The following VPS35L variants were observed in gnomAD, a reference collection of about 807,000 sequenced individuals.
The protein encoded by VPS35L is VPS35 endosomal protein sorting factor like.
In VPS35L, 83 loss-of-function variants were observed where a neutral mutation model predicts 133.0. The ratio of observed to expected loss-of-function variants is 0.62; its 90% CI spans 0.52 to 0.75. The LOEUF is 0.75. Ranked by LOEUF, VPS35L falls within the 30% of genes least tolerant of loss-of-function variation. VPS35L has a pLI of 0.00. For missense variants in VPS35L, 1,083 were observed against 1,206.8 expected (o/e 0.90, Z 1.52); for synonymous variants, 423 against 449.9 (o/e 0.94, Z 0.76).
chr16:19,664,251 A>G (rs961238414), intron 26 of VPS35L, among the ~76,000 whole-genome samples: 2 of 152,036 alleles, frequency 1.3e-5, no homozygotes, highest in Non-Finnish European at 2.9e-5. Flanking sequence ...GGCAGTGGCT[A>G]TGTTTATGCA....
chr16:19,602,335 AG>A (rs1310340998), intron 9 of VPS35L, among the ~76,000 whole-genome samples: 1 of 152,120 alleles, frequency 6.6e-6, no homozygotes, highest in Non-Finnish European at 1.5e-5. Flanking sequence ...CACTGCTATG[AG>A]GAAACGTTCT....
chr16:19,596,309 TC>T (rs2151533366), intron 8 of VPS35L, among the ~76,000 whole-genome samples: 1 of 152,076 alleles, frequency 6.6e-6, no homozygotes, highest in South Asian at 2.1e-4. Flanking sequence ...GGGTCTCACT[TC>T]ATTGCCCAGG....
intron 28 of VPS35L, among the ~76,000 whole-genome samples, chr16:19,683,978 A>G (rs540146337): frequency 6.6e-6 from 1 of 152,346 alleles, no homozygotes; most frequent in South Asian, 2.1e-4. Flanking sequence ...GTGCTACACA[A>G]TAAACTGGAA....
At chr16:19,685,247 G>T (rs1177505185) in intron 28 of VPS35L, among the ~76,000 whole-genome samples, 3 of 152,142 alleles carry the variant, frequency 2.0e-5, no homozygotes, top group African/African-American at 7.2e-5. Context: ...CTGACTTCTA[G>T]CATTATTTAT....
chr16:19,594,382 G>A (rs1198492757), intron 8 of VPS35L, among the ~76,000 whole-genome samples: 2 of 152,098 alleles, frequency 1.3e-5, no homozygotes, highest in South Asian at 2.1e-4. Context: ...AGTGGCTCAC[G>A]CCTATAATCC....
intron 1 of VPS35L, among the ~76,000 whole-genome samples, chr16:19,556,121 C>T (rs1970846998): frequency 1.3e-5 from 2 of 152,186 alleles, no homozygotes. Context: ...GTCGGGAGAT[C>T]TGGCTGTTGG....
At chr16:19,616,091 T>A (rs1972881677) in intron 12 of VPS35L, 23 bp from the exon 13 acceptor site, 1 of 1,599,416 alleles carries the variant, frequency 6.3e-7, no homozygotes, top group Admixed American at 1.7e-5. Flanking sequence ...TTGCAACCAG[T>A]TTTTCCATTT....
chr16:19,700,580 T>C lies in VPS35L; in HGVS notation c.*104T>C. The C allele has an allele frequency of 1.0e-6, 1 of 968,414 alleles. No individual in the cohort carries two copies. The highest frequency in any genetic ancestry group is 1.6e-6 in the Non-Finnish European group (1 of 629,928). The allele number at this position is 968,414 out of a possible 1,614,324, so 60.0% of individuals were successfully genotyped here. A position where few individuals can be genotyped will look rare whatever the true frequency, so the allele number is the denominator to read the frequency against. On this transcript the variant is annotated 3_prime_UTR_variant, in exon 31 of 31. Coordinates refer to ENST00000417362, the MANE Select transcript of VPS35L (RefSeq NM_020314.7). ...GCAATTTAGGTTTCTCATTTTTCTT[T>C]TCTTTTTACATATGTACAAATTGTT...
At position 19,652,114 on chromosome 16, in the gene VPS35L, C is replaced by T. The variant is rs180993482; in HGVS notation, c.2221+24C>T. On this transcript the variant is annotated intron_variant, in intron 26 of 30. Transcript: ENST00000417362. ...AGGTAAGTCCATCATTCTCTCATCT[C>T]GGGCACTCCCTTGCTGCTTAGGAAA... 1,530 of 1,475,948 alleles carry T rather than the reference C, an allele frequency of 1.0e-3. 6 individuals are homozygous for T. Among genetic ancestry groups the T allele is most frequent in the South Asian group, 9.1e-3 (770 of 84,296 alleles). The allele number at this position is 1,475,948 out of a possible 1,614,324, so 91.4% of individuals were successfully genotyped here.
chr16:19,571,762 C>A (rs1971392142), intron 3 of VPS35L, among the ~76,000 whole-genome samples: 1 of 151,586 alleles, frequency 6.6e-6, no homozygotes, highest in South Asian at 2.1e-4. Flanking sequence ...CCAGGCTGGT[C>A]TCGAACTCCT....
intron 7 of VPS35L, among the ~76,000 whole-genome samples, chr16:19,589,139 T>A (rs532374167): frequency 6.6e-6 from 1 of 152,348 alleles, no homozygotes; most frequent in East Asian, 1.9e-4. Flanking sequence ...TTTTTCGTAC[T>A]GAGTTTTGCA....
At chr16:19,590,312 A>G (rs1040245271) in intron 7 of VPS35L, among the ~76,000 whole-genome samples, 2 of 152,184 alleles carry the variant, frequency 1.3e-5, no homozygotes, top group Admixed American at 6.5e-5. Context: ...ATCTCTTGAC[A>G]TGGTGAACGT....
intron 3 of VPS35L, among the ~76,000 whole-genome samples, chr16:19,571,239 G>A (rs1383717971): frequency 6.6e-6 from 1 of 151,962 alleles, no homozygotes; most frequent in Non-Finnish European, 1.5e-5. Context: ...TTTTTTTGGA[G>A]ATAGTCTTGC....
At position 19,699,405 on chromosome 16, in the gene VPS35L, G is replaced by A; in HGVS notation, c.2647-97G>A. ...ATGGCAGAGCTGGCACTGGAACTCA[G>A]GCATGACCTACCCCAGAGTCAGCAC... On this transcript the variant is annotated intron_variant, in intron 29 of 30. Coordinates refer to ENST00000417362, the MANE Select transcript of VPS35L (RefSeq NM_020314.7). This position sits in a 1 kb window ranked among gnomAD's most constrained non-coding sequence, Gnocchi z 4.2. 2 of 1,467,538 alleles carry A rather than the reference G, an allele frequency of 1.4e-6. No individual in the cohort carries two copies. The highest frequency in any genetic ancestry group is 1.9e-6 in the Non-Finnish European group (2 of 1,079,198). The allele number at this position is 1,467,538 out of a possible 1,614,324, so 90.9% of individuals were successfully genotyped here.
intron 26 of VPS35L, among the ~76,000 whole-genome samples, chr16:19,656,186 C>T (rs545923536): frequency 4.3e-4 from 65 of 150,836 alleles, no homozygotes; most frequent in African/African-American, 1.5e-3. Context: ...ATCGCTTGAA[C>T]CCAGGAGGCA....
chr16:19,581,731 G>T (rs1567398680), intron 7 of VPS35L, 78 bp downstream of exon 7: 5 of 1,538,048 alleles, frequency 3.3e-6, no homozygotes, highest in Non-Finnish European at 4.5e-6. Context: ...GTTTTCAGGG[G>T]CCTACCTGCA....
At chr16:19,623,790 ATTATTATTATTATTATTATTATTATTG>A (rs1443780453) in intron 14 of VPS35L, among the ~76,000 whole-genome samples, 2 of 111,126 alleles carry the variant, frequency 1.8e-5, no homozygotes, top group African/African-American at 4.5e-5. Flanking sequence ...TATTATTATT[ATTATTATTATTATTATTATTATTATTG>A]TTTTAAGACA....
chr16:19,667,271 C>T (rs1182317353), intron 26 of VPS35L, among the ~76,000 whole-genome samples: 2 of 152,160 alleles, frequency 1.3e-5, no homozygotes, highest in East Asian at 3.9e-4. Flanking sequence ...TGGGCCATGT[C>T]TTACTAGTGG....
intron 10 of VPS35L, chr16:19,608,513 T>C: frequency 2.1e-6 from 1 of 486,270 alleles, no homozygotes; most frequent in Non-Finnish European, 3.6e-6. Flanking sequence ...AGCATTTGTT[T>C]CCTTGAGGAA....
Sources: allele counts gnomAD v4.1 joint callset (sites outside exome capture counted in the v4.1 genomes callset), GRCh38; gene constraint gnomAD v4.1.1; non-coding constraint Gnocchi (gnomAD v3.1); transcripts MANE v1.5; gene names NCBI Gene and HGNC (gene_info 2026-07-23, HGNC 2026-07-21).